Variants in TULP4 observed in about 807,000 individuals in gnomAD.
TULP4 encodes TUB like protein 4, also known as tubby-related protein 4.
Under a neutral mutation model 129.0 loss-of-function variants are expected in TULP4, and 16 were observed. That is an observed-to-expected ratio of 0.12 (90% confidence interval 0.08 to 0.19). The LOEUF (loss-of-function observed/expected upper bound fraction) is 0.19. Ranked by LOEUF, TULP4 falls within the 10% of genes least tolerant of loss-of-function variation. The pLI is 1.00. For synonymous variants in TULP4, 998 were observed against 854.0 expected, an observed-to-expected ratio of 1.17 and a Z score of -2.94; for missense variants, 1,842 against 2,059.1, an observed-to-expected ratio of 0.89 and a Z score of 2.04.
At chr6:158,486,027 A>T (rs1351783335) in intron 8 of TULP4, among the ~76,000 whole-genome samples, 4 of 152,190 alleles carry the variant, frequency 2.6e-5, no homozygotes, top group African/African-American at 7.2e-5. Context: ...TTTAGAGTTG[A>T]TATTGAAATA....
At chr6:158,422,573 G>A (rs183088814) in intron 2 of TULP4, among the ~76,000 whole-genome samples, 40 of 152,280 alleles carry the variant, frequency 2.6e-4, no homozygotes, top group African/African-American at 7.9e-4. Flanking sequence ...TTTAAGGAGC[G>A]GAGAGTTTAA....
intron 1 of TULP4, among the ~76,000 whole-genome samples, chr6:158,294,008 T>C (rs1778987580): frequency 6.6e-6 from 1 of 152,174 alleles, no homozygotes; most frequent in Admixed American, 6.5e-5. Context: ...AACTACCTCA[T>C]GCTCAGTGAA....
intron 1 of TULP4, among the ~76,000 whole-genome samples, chr6:158,366,609 T>C (rs763772279): frequency 1.3e-5 from 2 of 152,236 alleles, no homozygotes; most frequent in Non-Finnish European, 2.9e-5. Context: ...GGCCTCTTCC[T>C]GTTTCTGAAC....
At chr6:158,277,043 G>A (rs891280426) in intron 1 of TULP4, among the ~76,000 whole-genome samples, 7 of 152,000 alleles carry the variant, frequency 4.6e-5, no homozygotes, top group Non-Finnish European at 8.8e-5. Context: ...AGGCTCAGGT[G>A]GTCCTCCCAC....
rs1177370097 is a variant in TULP4, at chr6:158,501,192, A to G, written c.2015-486A>G. Reference sequence around the variant, plus strand: ...TTCTATTTACAGAAACCTAATGTGCATACATTTCTTATACACATCTGTTGC... The same window carrying G: ...TTCTATTTACAGAAACCTAATGTGCGTACATTTCTTATACACATCTGTTGC... On this transcript the variant is annotated intron_variant, in intron 12 of 13. Coordinates refer to ENST00000367097, the MANE Select transcript of TULP4 (RefSeq NM_020245.5). 2.0e-5 allele frequency among the ~76,000 whole-genome samples: 3 copies of G among 152,196 alleles called. No homozygotes were observed. In the East Asian group the frequency reaches 5.8e-4, roughly 29 times the overall value.
At chr6:158,331,414 G>A (rs921349043) in intron 1 of TULP4, among the ~76,000 whole-genome samples, 2 of 151,986 alleles carry the variant, frequency 1.3e-5, no homozygotes, top group African/African-American at 4.8e-5. Flanking sequence ...TGGTCAAAGT[G>A]TCCCAGATTT....
rs772371588 is a variant in TULP4, at chr6:158,501,780, G to A, written c.2117G>A (p.Ser706Asn). The A allele has an allele frequency of 4.3e-6, 7 of 1,614,052 alleles. No individual in the cohort carries two copies. The highest frequency in any genetic ancestry group is 5.9e-6 in the Non-Finnish European group (7 of 1,180,036). The change falls in exon 13 of 14, where the codon AGC becomes AAC. Residue 706 changes from serine (S) to asparagine (N), a missense_variant. Physicochemically the swap from Ser to Asn is conservative, Grantham distance 46 (BLOSUM62 1). Transcript: ENST00000367097. ...SSAQAMSPTQ[S>N]IGLVQSLLAN... ...GCTCAGGCTATGTCCCCCACGCAGA[G>A]CATAGGGCTGGTGCAGTCCCTACTG...
At chr6:158,280,717 G>A (rs540900870), upstream of TULP4, among the ~76,000 whole-genome samples, 1 of 152,222 alleles carries the variant, frequency 6.6e-6, no homozygotes, top group Non-Finnish European at 1.5e-5. Context: ...GCAGAAGAAA[G>A]TCTCACATTC....
At chr6:158,265,844 C>G (rs189180240) in intron 1 of TULP4, among the ~76,000 whole-genome samples, 6 of 152,252 alleles carry the variant, frequency 3.9e-5, no homozygotes, top group African/African-American at 1.4e-4. Flanking sequence ...ACAGCACCCC[C>G]AATATTAAGC....
chr6:158,323,670 T>C (rs1298866917), intron 1 of TULP4, among the ~76,000 whole-genome samples: 1 of 152,240 alleles, frequency 6.6e-6, no homozygotes, highest in Non-Finnish European at 1.5e-5. Context: ...GGATCATCTG[T>C]AGCTGGTAAT....
chr6:158,327,918 A>G lies in TULP4; in HGVS notation c.252+13650A>G, dbSNP rs79422591. Among the ~76,000 whole-genome samples the G allele has an allele frequency of 4.1e-3, 619 of 152,182 alleles. 1 individual carries two copies. The highest frequency in any genetic ancestry group is 8.3e-3 in the South Asian group (40 of 4,818). On this transcript the variant is annotated intron_variant, in intron 1 of 13. Transcript: ENST00000367097. The stretch of plus-strand genomic sequence containing the variant: ...AGGGGGTGTTTAGCTGGTGAGCTTT[A>G]TTGTATTATATAATGACCTGGGGGA...
upstream of TULP4, among the ~76,000 whole-genome samples, chr6:158,310,958 CT>C (rs917031926): frequency 7.3e-5 from 11 of 151,128 alleles, no homozygotes; most frequent in African/African-American, 1.9e-4. Context: ...GTGAGGCTGG[CT>C]TTTTTTTTCT....
intron 3 of TULP4, among the ~76,000 whole-genome samples, chr6:158,440,255 C>T (rs1778856955): frequency 6.8e-6 from 1 of 147,492 alleles, no homozygotes; most frequent in Admixed American, 6.8e-5. Flanking sequence ...GAGGTTGAGA[C>T]CACAGTGAGC....
chr6:158,423,609 G>T (rs937962004), intron 2 of TULP4, among the ~76,000 whole-genome samples: 2 of 117,460 alleles, frequency 1.7e-5, no homozygotes, highest in South Asian at 2.5e-4. Context: ...ATTTAAACTT[G>T]TTTGTTGTTA....
intron 8 of TULP4, among the ~76,000 whole-genome samples, chr6:158,482,834 G>A (rs17504147): frequency 6.6e-6 from 1 of 152,116 alleles, no homozygotes; most frequent in Non-Finnish European, 1.5e-5. Flanking sequence ...TGAAGAAGAC[G>A]GACCGGAGGC....
rs200678787 is a variant in TULP4, at chr6:158,493,581, T to C, written c.1640T>C (p.Ile547Thr). The C allele has an allele frequency of 3.2e-5, 49 of 1,538,204 alleles. 1 individual carries two copies. In the East Asian group the frequency reaches 9.7e-4, roughly 30 times the overall value. ...SKSPKLPRIS[I>T]EARKSPKLPR... The stretch of plus-strand genomic sequence containing the variant: ...TGGCCTTGCCTCCCCAGGATCAGCA[T>C]TGAGGCCCGCAAGTCACCCAAGCTG... Residue 547 changes from isoleucine to threonine, a missense_variant, in exon 10 of 14, where the codon ATT (isoleucine) becomes ACT (threonine). Ile to Thr is a moderately conservative substitution (Grantham distance 89). Coordinates refer to ENST00000367097, the MANE Select transcript of TULP4 (RefSeq NM_020245.5). The surrounding 1 kb of genome is among the most constrained non-coding windows in gnomAD (Gnocchi z 4.4).
intron 1 of TULP4, among the ~76,000 whole-genome samples, chr6:158,304,580 G>A (rs1336279087): frequency 6.6e-6 from 1 of 152,028 alleles, no homozygotes; most frequent in East Asian, 1.9e-4. Context: ...GTTATTGAAA[G>A]ACTTTATATG....
chr6:158,402,111 TTTTGAGCTGC>T (rs2114981550), intron 1 of TULP4, among the ~76,000 whole-genome samples: 1 of 152,334 alleles, frequency 6.6e-6, no homozygotes, highest in East Asian at 1.9e-4. Context: ...AATAAAATTC[TTTTGAGCTGC>T]TTTGAGCTTC....
At chr6:158,232,391 G>A (rs1374851965) in intron 1 of TULP4, 1 of 149,402 alleles carries the variant, frequency 6.7e-6, no homozygotes. Context: ...CGCCGGGCGT[G>A]TGTGCCCCTG....
Sources: gnomAD v4.1 joint callset for allele counts (sites outside exome capture counted in the v4.1 genomes callset) on GRCh38, gnomAD v4.1.1 for gene constraint, Gnocchi (gnomAD v3.1) non-coding constraint, MANE v1.5 for transcripts, NCBI Gene and HGNC (gene_info 2026-07-23, HGNC 2026-07-21) for gene names.